CHCHD3: variants seen among roughly 807,000 people sequenced by gnomAD.
The protein encoded by CHCHD3 is MICOS complex subunit MIC19.
In CHCHD3, 20 loss-of-function variants were observed where a neutral mutation model predicts 38.2. The ratio of observed to expected loss-of-function variants is 0.52; its 90% CI spans 0.37 to 0.76. CHCHD3 has a LOEUF of 0.76. Among genes scored for constraint, CHCHD3 ranks in the 30% least tolerant of loss-of-function variants. CHCHD3 has a pLI of 0.00. For synonymous variants in CHCHD3, 82 were observed against 100.0 expected, an observed-to-expected ratio of 0.82 and a Z score of 1.07; for missense variants, 245 against 279.2, an observed-to-expected ratio of 0.88 and a Z score of 0.87.
intron 5 of CHCHD3, among the ~76,000 whole-genome samples, chr7:132,868,872 G>A (rs993539620): frequency 6.6e-6 from 1 of 152,044 alleles, no homozygotes; most frequent in Non-Finnish European, 1.5e-5. Context: ...AGGGCTCCTT[G>A]CTCTTGCCCA....
intron 2 of CHCHD3, among the ~76,000 whole-genome samples, chr7:133,049,135 C>G (rs114023855): frequency 6.6e-6 from 1 of 152,178 alleles, no homozygotes; most frequent in Non-Finnish European, 1.5e-5. Context: ...AAACATAACA[C>G]GCACATACAC....
intron 5 of CHCHD3, among the ~76,000 whole-genome samples, chr7:132,839,169 G>A (rs947619279): frequency 9.3e-5 from 14 of 151,210 alleles, no homozygotes; most frequent in Middle Eastern, 3.2e-3. Flanking sequence ...TCCAGTCTGG[G>A]CAACAAGAGC....
At chr7:132,893,714 G>A (rs1809425826) in intron 4 of CHCHD3, among the ~76,000 whole-genome samples, 1 of 152,142 alleles carries the variant, frequency 6.6e-6, no homozygotes, top group African/African-American at 2.4e-5. Flanking sequence ...AGCAGTTCCA[G>A]TGATCAAGAG....
chr7:132,981,205 A>G (rs1811910223), intron 3 of CHCHD3, among the ~76,000 whole-genome samples: 1 of 151,566 alleles, frequency 6.6e-6, no homozygotes, highest in Non-Finnish European at 1.5e-5. Flanking sequence ...TGTTGTCCAC[A>G]TGGTCTTGAA....
At chr7:132,968,734 C>G (rs1012886082) in intron 4 of CHCHD3, among the ~76,000 whole-genome samples, 1 of 152,180 alleles carries the variant, frequency 6.6e-6, no homozygotes. Flanking sequence ...TTCAGTGATA[C>G]TAAAAACCCC....
chr7:132,804,636 C>T (rs931157401), intron 6 of CHCHD3, among the ~76,000 whole-genome samples: 1 of 152,130 alleles, frequency 6.6e-6, no homozygotes, highest in Non-Finnish European at 1.5e-5. Flanking sequence ...AGGACTGTGA[C>T]ACATTCTAAA....
At chr7:132,790,658 G>A (rs1563235860) in intron 7 of CHCHD3, among the ~76,000 whole-genome samples, 2 of 152,126 alleles carry the variant, frequency 1.3e-5, no homozygotes, top group Non-Finnish European at 2.9e-5. Flanking sequence ...AGCAGCTTTC[G>A]AACACAATAA....
At chr7:132,922,506 C>G (rs1810285313) in intron 4 of CHCHD3, among the ~76,000 whole-genome samples, 2 of 151,942 alleles carry the variant, frequency 1.3e-5, no homozygotes, top group Admixed American at 1.3e-4. Flanking sequence ...CATATTCTGC[C>G]TACTCATTAA....
chr7:132,881,608 A>T (rs1290488826), intron 5 of CHCHD3, among the ~76,000 whole-genome samples: 1 of 152,174 alleles, frequency 6.6e-6, no homozygotes, highest in African/African-American at 2.4e-5. Flanking sequence ...TTATAGTTTC[A>T]TCACTTCATT....
intron 5 of CHCHD3, among the ~76,000 whole-genome samples, chr7:132,857,765 G>A (rs905027971): frequency 1.3e-5 from 2 of 152,120 alleles, no homozygotes; most frequent in Non-Finnish European, 2.9e-5. Context: ...TTCCTAACAG[G>A]GGCCTGACTG....
chr7:132,986,424 G>GAAAAAAAAAAAAAA (rs59151340), intron 3 of CHCHD3, among the ~76,000 whole-genome samples: 3 of 131,272 alleles, frequency 2.3e-5, no homozygotes, highest in Non-Finnish European at 4.9e-5. Flanking sequence ...AAAGAAAAAA[G>GAAAAAAAAAAAAAA]AAAAAAAAAA....
At chr7:133,071,163 G>C (rs1375009932) in intron 1 of CHCHD3, among the ~76,000 whole-genome samples, 1 of 152,082 alleles carries the variant, frequency 6.6e-6, no homozygotes, top group Non-Finnish European at 1.5e-5. Flanking sequence ...TTTCTTTACA[G>C]CACTTAACCA....
At chr7:132,800,343 G>A (rs1806757487) in intron 6 of CHCHD3, among the ~76,000 whole-genome samples, 1 of 152,122 alleles carries the variant, frequency 6.6e-6, no homozygotes. Flanking sequence ...AAAGCCAAGG[G>A]AGTATTCAGA....
intron 2 of CHCHD3, among the ~76,000 whole-genome samples, chr7:133,037,553 C>A (rs1048681986): frequency 6.6e-6 from 1 of 152,168 alleles, no homozygotes. Flanking sequence ...TGGCTCACAC[C>A]TGTAATCCCA....
intron 5 of CHCHD3, among the ~76,000 whole-genome samples, chr7:132,842,473 T>A (rs1256079888): frequency 6.6e-6 from 1 of 152,220 alleles, no homozygotes; most frequent in East Asian, 1.9e-4. Context: ...ACAATAGTAG[T>A]AACTGAACTA....
intron 4 of CHCHD3, among the ~76,000 whole-genome samples, 186 bp from the exon 5 acceptor site, chr7:132,885,931 T>C (rs192550713): frequency 8.5e-5 from 13 of 152,218 alleles, no homozygotes; most frequent in African/African-American, 2.2e-4. Context: ...GAAGTCCGCA[T>C]TGTATTTTTT....
intron 6 of CHCHD3, among the ~76,000 whole-genome samples, chr7:132,799,222 T>G (rs1806712757): frequency 6.6e-6 from 1 of 152,208 alleles, no homozygotes; most frequent in African/African-American, 2.4e-5. Flanking sequence ...GCCTCTGTAT[T>G]GATCTGTAAA....
intron 5 of CHCHD3, among the ~76,000 whole-genome samples, chr7:132,856,983 C>T (rs1808355456): frequency 6.6e-6 from 1 of 152,156 alleles, no homozygotes; most frequent in Non-Finnish European, 1.5e-5. Flanking sequence ...GAGGGTCTCT[C>T]TGCGACAAGC....
chr7:133,081,750 C>T (rs1815177012), intron 1 of CHCHD3, 107 bp downstream of exon 1: 3 of 1,112,714 alleles, frequency 2.7e-6, no homozygotes, highest in Non-Finnish European at 4.0e-6. Flanking sequence ...GGCCTTAATA[C>T]GCTAGGGTCC....
Sources: allele counts gnomAD v4.1 joint callset (sites outside exome capture counted in the v4.1 genomes callset), GRCh38; gene constraint gnomAD v4.1.1; transcripts MANE v1.5; gene names NCBI Gene and HGNC (gene_info 2026-07-23, HGNC 2026-07-21).